The following MMP13 variants were observed in gnomAD, a reference collection of about 807,000 sequenced individuals.
MMP13 encodes collagenase 3.
MMP13 carries 45 observed loss-of-function variants against 52.1 expected under a neutral mutation model. The ratio of observed to expected loss-of-function variants is 0.86; its 90% CI spans 0.68 to 1.11. The LOEUF is 1.11. Among genes scored for constraint, MMP13 ranks in the 50% least tolerant of loss-of-function variants. The pLI, the probability that MMP13 is intolerant of heterozygous loss-of-function variation, is 0.00. For synonymous variants in MMP13, 200 were observed against 204.4 expected, an observed-to-expected ratio of 0.98 and a Z score of 0.18; for missense variants, 576 against 583.8, an observed-to-expected ratio of 0.99 and a Z score of 0.14.
At chr11:102,950,769 C>T (rs570837708) in intron 5 of MMP13, among the ~76,000 whole-genome samples, 1 of 152,216 alleles carries the variant, frequency 6.6e-6, no homozygotes, top group Admixed American at 6.5e-5. Context: ...CAACCGTCTC[C>T]CATGAGTGCA....
rs151180143 is a variant in MMP13, at chr11:102,951,610, T to A, written c.799+402A>T. Among the ~76,000 whole-genome samples the A allele has an allele frequency of 1.3e-3, 196 of 152,262 alleles. 1 individual carries two copies. The Middle Eastern group carries it at 0.037, about 29-fold the overall frequency. On this transcript the variant is annotated intron_variant, in intron 5 of 9. Transcript: ENST00000260302. ...GTGGTGAATTCAATTAGTAGAGTCA[T>A]GTGTTGCTTAACAACAGGGATACAT...
At position 102,954,164 on chromosome 11, in the gene MMP13, C is replaced by T. The variant is rs768511359; in HGVS notation, c.629G>A (p.Ser210Asn). 1.2e-6 allele frequency: 2 copies of T among 1,613,426 alleles called. No individual in the cohort carries two copies. The highest frequency in any genetic ancestry group is 1.1e-5 in the South Asian group (1 of 91,068). The change falls in exon 4 of 10, where the codon AGT (serine) becomes AAT (asparagine). Residue 210 changes from serine (S) to asparagine (N), a missense_variant. Coordinates refer to ENST00000260302, the MANE Select transcript of MMP13 (RefSeq NM_002427.4). ...TTTATAAGAAACATTACCTTTGGAA[C>T]TACTTGTCCAGGTTTCATCATCATC... is the stretch of plus-strand genomic sequence containing the variant. Reference protein sequence around the residue: ...HFDDDETWTSSSKGYNLFLVA... With the variant: ...HFDDDETWTSNSKGYNLFLVA...
chr11:102,947,821 T>A (rs1860537501), intron 8 of MMP13, 70 bp downstream of exon 8: 2 of 1,491,844 alleles, frequency 1.3e-6, no homozygotes, highest in Non-Finnish European at 1.9e-6. Flanking sequence ...GAATAATGTA[T>A]AGTAGTGACA....
At position 102,943,998 on chromosome 11, in the gene MMP13, G is replaced by A; in HGVS notation, c.*268C>T. 2 of 410,352 alleles carry A rather than the reference G, an allele frequency of 4.9e-6. No individual in the cohort carries two copies. The highest frequency in any genetic ancestry group is 9.3e-6 in the Non-Finnish European group (2 of 215,256). 25.4% of individuals were successfully genotyped at this position (410,352 alleles called of 1,614,324 possible). On this transcript the variant is annotated 3_prime_UTR_variant, in exon 10 of 10. Transcript: ENST00000260302. ...TGACAGACCATGTGTCCCATTTGTG[G>A]TGTGGGAAGTATCATCAACCATTGC...
chr11:102,944,618 C>A (rs1166684825), intron 9 of MMP13, among the ~76,000 whole-genome samples: 1 of 151,306 alleles, frequency 6.6e-6, no homozygotes, highest in South Asian at 2.1e-4. Flanking sequence ...TTTTTGTGTG[C>A]GTATATGAGA....
At position 102,949,101 on chromosome 11, in the gene MMP13, T is replaced by C; in HGVS notation, c.975A>G (p.Ser325=). The change falls in exon 7 of 10, where the codon TCA becomes TCG. Residue 325 remains serine, a synonymous_variant. Coordinates refer to ENST00000260302, the MANE Select transcript of MMP13 (RefSeq NM_002427.4). This position sits in a 1 kb window ranked among gnomAD's most constrained non-coding sequence, Gnocchi z 4.2. ...TACGGTTGGGAAGTTCTGGCCAAAATGATTTCGTTAAAAACAGCTCCGCAT... is the reference window on the plus strand; with the variant it reads ...TACGGTTGGGAAGTTCTGGCCAAAACGATTTCGTTAAAAACAGCTCCGCAT... ...QVDAELFLTK[S]FWPELPNRID... The C allele has an allele frequency of 6.2e-7, 1 of 1,613,832 alleles. No individual in the cohort carries two copies. Among genetic ancestry groups the C allele is most frequent in the Non-Finnish European group, 8.5e-7 (1 of 1,179,830 alleles).
chr11:102,944,035 A>G lies in MMP13; in HGVS notation c.*231T>C. The stretch of plus-strand genomic sequence containing the variant: ...TCATCAACCATTGCTTTTGTACAGC[A>G]ACAAGAATCAGATGCTCTTTAGAGA... On this transcript the variant is annotated 3_prime_UTR_variant, in exon 10 of 10. Transcript: ENST00000260302. 2.1e-6 allele frequency: 1 copy of G among 481,358 alleles called. No individual in the cohort carries two copies. The highest frequency in any genetic ancestry group is 4.0e-6 in the Non-Finnish European group (1 of 252,926). 29.8% of individuals were successfully genotyped at this position (481,358 alleles called of 1,614,324 possible). A position where few individuals can be genotyped will look rare whatever the true frequency, so the allele number is the denominator to read the frequency against.
In MMP13 at chr11:102,949,290, A is replaced by G; in HGVS notation, c.918-132T>C. The G allele has an allele frequency of 8.8e-7, 1 of 1,137,398 alleles. No homozygotes were observed. The highest frequency in any genetic ancestry group is 1.3e-6 in the Non-Finnish European group (1 of 786,492). 70.5% of individuals were successfully genotyped at this position (1,137,398 alleles called of 1,614,324 possible). A position where few individuals can be genotyped will look rare whatever the true frequency, so the allele number is the denominator to read the frequency against. Reference sequence around the variant, plus strand: ...ATACCTCCCACCTGTGAAGGGAAAAAAAATTCCATTACCCTTTAAGCGCCA... The same window carrying G: ...ATACCTCCCACCTGTGAAGGGAAAAGAAATTCCATTACCCTTTAAGCGCCA... On this transcript the variant is annotated intron_variant, in intron 6 of 9. Transcript: ENST00000260302. The surrounding 1 kb of genome is among the most constrained non-coding windows in gnomAD (Gnocchi z 4.2).
intron 8 of MMP13, among the ~76,000 whole-genome samples, chr11:102,947,666 A>AG (rs1565253570): frequency 4.0e-5 from 3 of 75,898 alleles, no homozygotes; most frequent in Non-Finnish European, 7.7e-5. Flanking sequence ...ATGTTTGAGT[A>AG]TTGTGTGTGT....
At position 102,954,444 on chromosome 11, in the gene MMP13, A is replaced by G. The variant is rs764817104; in HGVS notation, c.511+14T>C. 7 of 1,611,586 alleles carry G rather than the reference A, an allele frequency of 4.3e-6. No homozygotes were observed. Among genetic ancestry groups the G allele is most frequent in the Non-Finnish European group, 5.9e-6 (7 of 1,178,362 alleles). On this transcript the variant is annotated intron_variant, in intron 3 of 9. Coordinates refer to ENST00000260302, the MANE Select transcript of MMP13 (RefSeq NM_002427.4). ...GAATATAAAAATGTTTGTAAAATAA[A>G]TGTGCATCATTACCCTTAATTCCAA... is the stretch of plus-strand genomic sequence containing the variant.
chr11:102,950,001 T>C, intron 6 of MMP13, 109 bp downstream of exon 6: 6 of 892,188 alleles, frequency 6.7e-6, no homozygotes, highest in East Asian at 2.4e-5. Context: ...TGCCCATTTT[T>C]ACTGCTAACT....
At chr11:102,951,003 C>T (rs975819339) in intron 5 of MMP13, among the ~76,000 whole-genome samples, 41 of 152,166 alleles carry the variant, frequency 2.7e-4, no homozygotes, top group African/African-American at 9.7e-4. Context: ...GGGTTGGATG[C>T]TATGAGCAAG....
At chr11:102,945,961 C>A (rs1218026100) in intron 8 of MMP13, among the ~76,000 whole-genome samples, 1 of 152,112 alleles carries the variant, frequency 6.6e-6, no homozygotes. Context: ...GCCCAAAGGC[C>A]ATCTTTTTAA....
At chr11:102,950,071 T>C in intron 6 of MMP13, 39 bp downstream of exon 6, 1 of 1,513,724 alleles carries the variant, frequency 6.6e-7, no homozygotes, top group Non-Finnish European at 9.2e-7. Flanking sequence ...TCACAGATGT[T>C]TGTCGCATAC....
intron 8 of MMP13, 95 bp from the exon 9 acceptor site, chr11:102,945,844 C>T: frequency 1.4e-6 from 1 of 701,210 alleles, no homozygotes; most frequent in East Asian, 2.7e-5. Flanking sequence ...TCAAAATTGA[C>T]AAGAATTTTA....
intron 4 of MMP13, 64 bp downstream of exon 4, chr11:102,954,092 C>A: frequency 3.2e-6 from 5 of 1,580,328 alleles, no homozygotes; most frequent in Non-Finnish European, 4.3e-6. Flanking sequence ...GTTTTAACTT[C>A]ATACTAGTGT....
chr11:102,945,241 CAAAAAA>C, intron 9 of MMP13: 5 of 623,444 alleles, frequency 8.0e-6, no homozygotes, highest in Non-Finnish European at 1.0e-5. Flanking sequence ...GAGACTCTGT[CAAAAAA>C]AAAAAAAAAG....
rs114993104 is a variant in MMP13 at position 102,944,971 on chromosome 11, G to A, written c.1316-605C>T. ...TCTCTTTTCATAGTTAAAGGAGGTC[G>A]GTGAGGTCAGGCCTGTAATCTGAGC... On this transcript the variant is annotated intron_variant, in intron 9 of 9. Transcript: ENST00000260302. 430 of 161,986 alleles carry A rather than the reference G, an allele frequency of 2.7e-3. 1 individual carries two copies. The highest frequency in any genetic ancestry group is 9.7e-3 in the African/African-American group (404 of 41,456). 10.0% of individuals were successfully genotyped at this position (161,986 alleles called of 1,614,324 possible). A position where few individuals can be genotyped will look rare whatever the true frequency, so the allele number is the denominator to read the frequency against.
At chr11:102,947,667 TTGTGTGTG>T (rs71066125) in intron 8 of MMP13, among the ~76,000 whole-genome samples, 82 of 144,916 alleles carry the variant, frequency 5.7e-4, no homozygotes, top group African/African-American at 1.2e-3. Context: ...TGTTTGAGTA[TTGTGTGTG>T]TGTGTGTGTG....
Sources: gnomAD v4.1 joint callset for allele counts (sites outside exome capture counted in the v4.1 genomes callset) on GRCh38, gnomAD v4.1.1 for gene constraint, Gnocchi (gnomAD v3.1) non-coding constraint, MANE v1.5 for transcripts, NCBI Gene and HGNC (gene_info 2026-07-23, HGNC 2026-07-21) for gene names.